CIT: variants seen among roughly 807,000 people sequenced by gnomAD.
CIT encodes citron rho-interacting serine/threonine kinase.
A neutral mutation model predicts 272.7 loss-of-function variants in CIT; 79 were observed. That is an observed-to-expected ratio of 0.29 (90% CI 0.24 to 0.35). CIT has a LOEUF of 0.35. Ranked by LOEUF, CIT falls within the 10% of genes least tolerant of loss-of-function variation. The pLI, the probability that CIT is intolerant of heterozygous loss-of-function variation, is 1.00. For missense variants in CIT, 1,909 were observed against 2,618.3 expected (o/e 0.73, Z 5.91); for synonymous variants, 948 against 995.6 (o/e 0.95, Z 0.90).
chr12:119,789,452 C>G (rs2137758217), intron 10 of CIT, among the ~76,000 whole-genome samples: 1 of 152,110 alleles, frequency 6.6e-6, no homozygotes, highest in East Asian at 1.9e-4. Context: ...GCCTATTGTC[C>G]CCAGTGTTAA....
At chr12:119,754,768 C>T (rs1211218781) in intron 22 of CIT, among the ~76,000 whole-genome samples, 3 of 152,316 alleles carry the variant, frequency 2.0e-5, no homozygotes, top group South Asian at 2.1e-4. Flanking sequence ...CTGAACCTCT[C>T]GTGAAACGTT....
Position 119,701,938 on chromosome 12 carries a change from G to A in CIT, c.5325C>T (p.Pro1775=). 1 of 1,613,600 alleles carries A rather than the reference G, an allele frequency of 6.2e-7. No individual in the cohort carries two copies. Among genetic ancestry groups the A allele is most frequent in the Non-Finnish European group, 8.5e-7 (1 of 1,179,582 alleles). ...CIRKEIETSE[P]CSCIHFTNYS... ...AATTGGTGAAGTGGATACAGCTGCA[G>A]GGCTCTGAGGTCTCTATCTCCTGAG... Residue 1775 remains proline (P), a synonymous_variant, in exon 42 of 48, where the codon CCC becomes CCT. Transcript: ENST00000392521.
intron 40 of CIT, among the ~76,000 whole-genome samples, chr12:119,705,044 C>G (rs1227862367): frequency 6.6e-6 from 1 of 152,220 alleles, no homozygotes; most frequent in Non-Finnish European, 1.5e-5. Context: ...TCCCAAGTAG[C>G]TGGGACCACA....
rs1225536452 is a variant in CIT at position 119,803,392 on chromosome 12, G to A, written c.1112-3C>T. The stretch of plus-strand genomic sequence containing the variant: ...GGTGGGAACGAAGGGGGGAGGAGCT[G>A]GTTAAAGAAAAACAAGAAAGGAGGC... On this transcript the variant is annotated splice_region_variant and splice_polypyrimidine_tract_variant and intron_variant, in intron 9 of 47. Coordinates refer to ENST00000392521, the MANE Select transcript of CIT (RefSeq NM_001206999.2). 6.5e-7 allele frequency: 1 copy of A among 1,537,108 alleles called. No individual in the cohort carries two copies.
At chr12:119,870,858 C>T (rs1033399081) in intron 2 of CIT, among the ~76,000 whole-genome samples, 10 of 152,058 alleles carry the variant, frequency 6.6e-5, no homozygotes, top group Non-Finnish European at 1.2e-4. Flanking sequence ...CAGTGGCTCA[C>T]ACCTGTAATT....
intron 24 of CIT, among the ~76,000 whole-genome samples, chr12:119,739,590 G>T (rs568748257): frequency 3.9e-5 from 6 of 152,300 alleles, no homozygotes; most frequent in Admixed American, 2.6e-4. Flanking sequence ...TTCTAAAGTA[G>T]TGGTATTCAA....
Position 119,690,874 on chromosome 12 carries a change from A to G in CIT, c.5883-420T>C, listed in dbSNP as rs1325813151. On this transcript the variant is annotated intron_variant, in intron 46 of 47. Transcript: ENST00000392521. The surrounding 1 kb of genome is among the most constrained non-coding windows in gnomAD (Gnocchi z 6.0). Reference sequence around the variant, plus strand: ...AATGAGTGGTAGAGCTGGGATTCCAATAAAGACCAGTTTGATAGGCCAGGC... The same window carrying G: ...AATGAGTGGTAGAGCTGGGATTCCAGTAAAGACCAGTTTGATAGGCCAGGC... Among the ~76,000 whole-genome samples, 1 of 152,188 alleles carries G rather than the reference A, an allele frequency of 6.6e-6. No individual in the cohort carries two copies. Among genetic ancestry groups the G allele is most frequent in the Non-Finnish European group, 1.5e-5 (1 of 68,020 alleles).
At position 119,700,726 on chromosome 12, in the gene CIT, C is replaced by T. The variant is rs373179048; in HGVS notation, c.5623+19G>A. 1.3e-6 allele frequency: 2 copies of T among 1,597,694 alleles called. No homozygotes were observed. Among genetic ancestry groups the T allele is most frequent in the East Asian group, 2.2e-5 (1 of 44,642 alleles). ...CAGCTGCTGGCAAAAGAGAAGCCCC[C>T]ACACTGAGCCTCACGTACCAAAGGC... On this transcript the variant is annotated intron_variant, in intron 44 of 47. Coordinates refer to ENST00000392521, the MANE Select transcript of CIT (RefSeq NM_001206999.2).
chr12:119,690,095 C>G lies in CIT; in HGVS notation c.6186+56G>C. The G allele has an allele frequency of 7.1e-7, 1 of 1,410,454 alleles. No homozygotes were observed. Among genetic ancestry groups the G allele is most frequent in the Non-Finnish European group, 9.2e-7 (1 of 1,088,754 alleles). 87.4% of individuals were successfully genotyped at this position (1,410,454 alleles called of 1,614,324 possible). On this transcript the variant is annotated intron_variant, in intron 47 of 47. Coordinates refer to ENST00000392521, the MANE Select transcript of CIT (RefSeq NM_001206999.2). This position sits in a 1 kb window ranked among gnomAD's most constrained non-coding sequence, Gnocchi z 6.0. ...AGTGGCCCCGTGGGGGCCTCAGTTC[C>G]CCAAGTCACTCCTGGCCTCCGCAAC...
intron 40 of CIT, among the ~76,000 whole-genome samples, chr12:119,704,989 T>G (rs1382261402): frequency 1.3e-5 from 2 of 152,314 alleles, no homozygotes; most frequent in Admixed American, 6.5e-5. Context: ...CTCGGCTCAC[T>G]GCAGCCTCCA....
At chr12:119,829,843 A>T (rs1968482864) in intron 7 of CIT, among the ~76,000 whole-genome samples, 1 of 152,140 alleles carries the variant, frequency 6.6e-6, no homozygotes, top group South Asian at 2.1e-4. Flanking sequence ...GATAATGGAA[A>T]ACTGAACAGA....
chr12:119,847,895 G>C (rs1397723259), intron 5 of CIT, among the ~76,000 whole-genome samples: 3 of 152,122 alleles, frequency 2.0e-5, no homozygotes, highest in Non-Finnish European at 4.4e-5. Context: ...GACAGAGTGA[G>C]ACTTTGTCTC....
At chr12:119,761,734 T>C (rs928787565) in intron 19 of CIT, among the ~76,000 whole-genome samples, 1 of 152,162 alleles carries the variant, frequency 6.6e-6, no homozygotes, top group Non-Finnish European at 1.5e-5. Flanking sequence ...AAAAAGTCAC[T>C]GGGAAAAGAA....
Position 119,713,236 on chromosome 12 carries a change from T to C in CIT, c.4546A>G (p.Lys1516Glu). The change falls in exon 35 of 48, where the codon AAA (lysine) becomes GAA (glutamate). Residue 1516 changes from lysine to glutamate, a missense_variant. Physicochemically the swap from Lys to Glu is moderately conservative, Grantham distance 56. This residue lies in a region of CIT where 780 missense variants were observed against 1,067.2 expected (regional missense o/e 0.73). Coordinates refer to ENST00000392521, the MANE Select transcript of CIT (RefSeq NM_001206999.2). This position sits in a 1 kb window ranked among gnomAD's most constrained non-coding sequence, Gnocchi z 5.2. ...GCTTCATTGTCATAAATGAGGACTTTTGATCCCTCCAGGACAATGTACTTC... is the reference window on the plus strand; with the variant it reads ...GCTTCATTGTCATAAATGAGGACTTCTGATCCCTCCAGGACAATGTACTTC... The part of the protein sequence containing the change: ...DRKYIVLEGS[K>E]VLIYDNEARE... 4 of 1,614,068 alleles carry C rather than the reference T, an allele frequency of 2.5e-6. No homozygotes were observed. Among genetic ancestry groups the C allele is most frequent in the Non-Finnish European group, 3.4e-6 (4 of 1,179,970 alleles).
At chr12:119,780,261 C>G (rs1237603348) in intron 13 of CIT, among the ~76,000 whole-genome samples, 1 of 152,092 alleles carries the variant, frequency 6.6e-6, no homozygotes, top group East Asian at 1.9e-4. Flanking sequence ...AGGTGTTTTT[C>G]TTTTAAACCA....
chr12:119,689,416 G>A (rs58839747), intron 47 of CIT, among the ~76,000 whole-genome samples: 1 of 151,686 alleles, frequency 6.6e-6, no homozygotes, highest in South Asian at 2.1e-4. Flanking sequence ...AAGCATATGT[G>A]TGTATGTGTG....
chr12:119,834,586 CTT>C (rs1462511706), intron 5 of CIT, among the ~76,000 whole-genome samples: 1 of 152,204 alleles, frequency 6.6e-6, no homozygotes, highest in Admixed American at 6.5e-5. Context: ...GGCAACCACT[CTT>C]ATATCCTTTC....
In CIT at chr12:119,712,220, G is replaced by A. The variant is rs146815718; in HGVS notation, c.4812C>T (p.Val1604=). Residue 1604 remains valine (V), a synonymous_variant, in exon 37 of 48, where the codon GTC becomes GTT. Transcript: ENST00000392521. This position sits in a 1 kb window ranked among gnomAD's most constrained non-coding sequence, Gnocchi z 5.2. ...QRWVTALESV[V]AGGRVSREKA... ...TTTCCCTAGAAACTCTCCCACCTGC[G>A]ACAACTGATTCTAAGGCGGTGACCC... 6.4e-5 allele frequency: 103 copies of A among 1,611,158 alleles called. No homozygotes were observed. The Admixed American group carries it at 7.4e-4, about 12-fold the overall frequency.
chr12:119,746,957 T>A (rs79480824), intron 23 of CIT, among the ~76,000 whole-genome samples: 2,390 of 152,242 alleles, frequency 0.016, 72 homozygotes, highest in African/African-American at 0.055. Context: ...AATATATACA[T>A]AAAGACAGCA....
Sources: allele counts gnomAD v4.1 joint callset (sites outside exome capture counted in the v4.1 genomes callset), GRCh38; gene constraint gnomAD v4.1.1; regional missense constraint gnomAD v4.1.1; non-coding constraint Gnocchi (gnomAD v3.1); transcripts MANE v1.5; gene names NCBI Gene and HGNC (gene_info 2026-07-23, HGNC 2026-07-21).